SEMA3A: variants seen among roughly 807,000 people sequenced by gnomAD.
The protein encoded by SEMA3A is semaphorin-3A.
Under a neutral mutation model 97.9 loss-of-function variants are expected in SEMA3A, and 29 were observed. The observed-to-expected ratio is 0.30, with a 90% CI of 0.22 to 0.40. SEMA3A has a LOEUF of 0.40. Among genes scored for constraint, SEMA3A ranks in the 10% least tolerant of loss-of-function variants. The pLI is 1.00. For missense variants in SEMA3A, 763 were observed against 951.3 expected, an observed-to-expected ratio of 0.80 and a Z score of 2.60; for synonymous variants, 321 against 323.7, an observed-to-expected ratio of 0.99 and a Z score of 0.09.
chr7:84,309,818 G>C (rs1801269296), intron 2 of SEMA3A, among the ~76,000 whole-genome samples: 1 of 152,140 alleles, frequency 6.6e-6, no homozygotes, highest in African/African-American at 2.4e-5. Flanking sequence ...TAAATACAAA[G>C]ACCCTGAGGC....
chr7:84,488,702 G>A (rs1467065327), intron 1 of SEMA3A, among the ~76,000 whole-genome samples: 3 of 152,092 alleles, frequency 2.0e-5, no homozygotes, highest in African/African-American at 7.2e-5. Context: ...AAATATAACT[G>A]CAACTCCTTC....
Position 84,194,470 on chromosome 7 carries a change from T to C in SEMA3A, c.112+5A>G, listed in dbSNP as rs773990866. ...CTAACCAAATAAAAGAAAAATAAGA[T>C]TTACCTTTGTAGGATAATTTCAGCC... On this transcript the variant is annotated splice_donor_5th_base_variant and intron_variant, in intron 1 of 16. Transcript: ENST00000265362. 1.9e-6 allele frequency: 3 copies of C among 1,582,634 alleles called. No homozygotes were observed. Among genetic ancestry groups the C allele is most frequent in the African/African-American group, 2.7e-5 (2 of 74,180 alleles).
intron 1 of SEMA3A, among the ~76,000 whole-genome samples, chr7:84,395,530 C>A (rs1803706398): frequency 6.6e-6 from 1 of 152,040 alleles, no homozygotes; most frequent in Admixed American, 6.6e-5. Flanking sequence ...ACCCAAATCT[C>A]ACCTTGAATT....
chr7:84,416,125 C>A (rs1268357837), intron 1 of SEMA3A, among the ~76,000 whole-genome samples: 2 of 151,978 alleles, frequency 1.3e-5, no homozygotes, highest in South Asian at 2.1e-4. Context: ...ATGTCCCCAC[C>A]CAAATCTCAA....
At chr7:84,077,530 ATC>A (rs1199359709) in intron 4 of SEMA3A, among the ~76,000 whole-genome samples, 4 of 152,048 alleles carry the variant, frequency 2.6e-5, no homozygotes, top group Admixed American at 1.3e-4. Context: ...CAGAGATGCC[ATC>A]TGGGAAGTGA....
At chr7:84,297,735 C>G (rs961190163) in intron 3 of SEMA3A, among the ~76,000 whole-genome samples, 1 of 152,128 alleles carries the variant, frequency 6.6e-6, no homozygotes, top group African/African-American at 2.4e-5. Flanking sequence ...TAGCAACTGT[C>G]TCAGACCTCA....
intron 1 of SEMA3A, among the ~76,000 whole-genome samples, chr7:84,455,918 A>G (rs1005428205): frequency 2.0e-5 from 3 of 151,970 alleles, no homozygotes; most frequent in Admixed American, 6.5e-5. Flanking sequence ...GCAATAGGCA[A>G]TAGCTGAAAT....
At position 84,061,037 on chromosome 7, in the gene SEMA3A, T is replaced by A. The variant is rs1032060555; in HGVS notation, c.454-479A>T. Reference sequence around the variant, plus strand: ...TTCCAGAAGACATGTTAAATAGCCATCAAATTTATTTTCCCCACTATGTCC... The same window carrying A: ...TTCCAGAAGACATGTTAAATAGCCAACAAATTTATTTTCCCCACTATGTCC... On this transcript the variant is annotated intron_variant, in intron 4 of 16. Transcript: ENST00000265362. Among the ~76,000 whole-genome samples the A allele has an allele frequency of 2.0e-5, 3 of 152,206 alleles. 1 individual carries two copies. In the South Asian group the frequency reaches 6.2e-4, roughly 31 times the overall value.
At chr7:84,400,934 G>A (rs978549760) in intron 1 of SEMA3A, among the ~76,000 whole-genome samples, 1 of 152,148 alleles carries the variant, frequency 6.6e-6, no homozygotes, top group Non-Finnish European at 1.5e-5. Context: ...GGGAAAAACT[G>A]AAAGCTTTTC....
At chr7:84,029,720 C>A (rs1316579205) in intron 6 of SEMA3A, among the ~76,000 whole-genome samples, 2 of 151,878 alleles carry the variant, frequency 1.3e-5, no homozygotes, top group African/African-American at 4.8e-5. Context: ...TTGAGAATAT[C>A]TGATATAATT....
intron 3 of SEMA3A, among the ~76,000 whole-genome samples, chr7:84,298,550 G>A (rs1800922307): frequency 1.3e-5 from 2 of 152,164 alleles, no homozygotes; most frequent in South Asian, 4.1e-4. Context: ...AGGAAACTGG[G>A]AGATAATCAG....
chr7:84,041,945 C>T lies in SEMA3A; in HGVS notation c.667+4379G>A, dbSNP rs10499879. ...AAGAAAATGCAATTGGATACTCTGA[C>T]GTTTTTTATGTCTCCAAAGATAGTA... On this transcript the variant is annotated intron_variant, in intron 6 of 16. Transcript: ENST00000265362. 9.6e-3 allele frequency among the ~76,000 whole-genome samples: 1,460 copies of T among 152,116 alleles called. 17 individuals are homozygous for T. Among genetic ancestry groups the T allele is most frequent in the African/African-American group, 0.034 (1,399 of 41,502 alleles).
intron 2 of SEMA3A, among the ~76,000 whole-genome samples, chr7:84,323,414 C>G (rs1458989651): frequency 6.6e-6 from 1 of 152,054 alleles, no homozygotes; most frequent in Non-Finnish European, 1.5e-5. Context: ...CCACATATGA[C>G]AGACAGACCG....
chr7:84,367,648 A>G (rs1802880564), intron 2 of SEMA3A, among the ~76,000 whole-genome samples: 2 of 151,084 alleles, frequency 1.3e-5, no homozygotes, highest in Non-Finnish European at 3.0e-5. Context: ...GGACTTGCAG[A>G]GAGAAAACAT....
At chr7:84,232,848 T>G (rs1799147232) in intron 3 of SEMA3A, among the ~76,000 whole-genome samples, 2 of 151,976 alleles carry the variant, frequency 1.3e-5, no homozygotes, top group African/African-American at 4.8e-5. Context: ...GTGCTTTCCC[T>G]TCTCAGCATC....
chr7:84,166,730 C>CT (rs1380498441), intron 1 of SEMA3A, among the ~76,000 whole-genome samples: 1 of 151,408 alleles, frequency 6.6e-6, no homozygotes, highest in East Asian at 2.0e-4. Context: ...AAAAAATTAG[C>CT]TGGGCGCGGT....
intron 1 of SEMA3A, among the ~76,000 whole-genome samples, chr7:84,436,397 C>T (rs999104918): frequency 1.3e-5 from 2 of 152,222 alleles, no homozygotes; most frequent in African/African-American, 4.8e-5. Context: ...AACAGACAAC[C>T]TACACAATGG....
intron 12 of SEMA3A, among the ~76,000 whole-genome samples, chr7:83,990,535 A>G (rs1789862604): frequency 7.2e-6 from 1 of 139,528 alleles, no homozygotes; most frequent in South Asian, 2.5e-4. Context: ...CTTTCTACAT[A>G]TGGCTAGCCA....
intron 2 of SEMA3A, among the ~76,000 whole-genome samples, chr7:84,315,234 G>T (rs1801466939): frequency 6.6e-6 from 1 of 152,016 alleles, no homozygotes; most frequent in Admixed American, 6.6e-5. Context: ...AGACGATTAG[G>T]CTGGAGAGGA....
Sources: allele counts gnomAD v4.1 joint callset (sites outside exome capture counted in the v4.1 genomes callset), GRCh38; gene constraint gnomAD v4.1.1; transcripts MANE v1.5; gene names NCBI Gene and HGNC (gene_info 2026-07-23, HGNC 2026-07-21).